MTCL2: variants seen among roughly 807,000 people sequenced by gnomAD.
MTCL2 encodes the protein microtubule crosslinking factor 2, also known as microtubule cross-linking factor 2.
At chr20:36,835,845 C>T in the MTCL2 span, among the ~76,000 whole-genome samples, 1 of 152,148 alleles carries the variant, frequency 6.6e-6, no homozygotes. Flanking sequence ...CTCCCCACAC[C>T]CGCCTCCCCG....
chr20:36,789,797 C>T, the MTCL2 span, among the ~76,000 whole-genome samples: 2 of 152,084 alleles, frequency 1.3e-5, no homozygotes, highest in African/African-American at 4.8e-5. Flanking sequence ...GACTGAGACA[C>T]TTGCTTTTTT....
the MTCL2 span, chr20:36,860,023 G>T: frequency 1.0e-6 from 1 of 969,202 alleles, no homozygotes; most frequent in Non-Finnish European, 1.3e-6. Flanking sequence ...TTAGTCTCTG[G>T]ATTTTGACCC....
chr20:36,793,672 G>A, the MTCL2 span: 1 of 1,550,036 alleles, frequency 6.5e-7, no homozygotes, highest in Non-Finnish European at 8.7e-7. This position sits in a 1 kb window ranked among gnomAD's most constrained non-coding sequence, Gnocchi z 6.8. Context: ...CCCAGGCCGA[G>A]CCGTTCTGCT....
chr20:36,855,203 C>T, the MTCL2 span, among the ~76,000 whole-genome samples: 1 of 152,240 alleles, frequency 6.6e-6, no homozygotes, highest in Non-Finnish European at 1.5e-5. Flanking sequence ...TCTTACGGAA[C>T]CCTCACGGCA....
At chr20:36,816,679 C>T in the MTCL2 span, among the ~76,000 whole-genome samples, 10 of 152,166 alleles carry the variant, frequency 6.6e-5, no homozygotes, top group South Asian at 2.1e-4. Context: ...TAGGAGCTAA[C>T]GGTATGTGGC....
the MTCL2 span, among the ~76,000 whole-genome samples, chr20:36,789,837 T>A: frequency 7.9e-5 from 12 of 152,108 alleles, no homozygotes; most frequent in Admixed American, 5.9e-4. Context: ...ATTTATTTAT[T>A]TTTGAGACAG....
chr20:36,809,292 A>G, the MTCL2 span, among the ~76,000 whole-genome samples: 1 of 152,232 alleles, frequency 6.6e-6, no homozygotes, highest in Non-Finnish European at 1.5e-5. Context: ...GGGCACAAGG[A>G]TTAAAAGACA....
At chr20:36,831,698 C>T in the MTCL2 span, among the ~76,000 whole-genome samples, 3 of 152,202 alleles carry the variant, frequency 2.0e-5, no homozygotes, top group African/African-American at 2.4e-5. Context: ...CATGAGGCTC[C>T]TCCCACAGCC....
the MTCL2 span, chr20:36,828,791 C>G: frequency 2.4e-6 from 1 of 421,648 alleles, no homozygotes; most frequent in Non-Finnish European, 4.2e-6. Context: ...GAATGACTCT[C>G]TCTCTCATTA....
the MTCL2 span, among the ~76,000 whole-genome samples, chr20:36,856,865 C>T: frequency 9.2e-5 from 14 of 152,060 alleles, no homozygotes; most frequent in East Asian, 1.9e-4. Flanking sequence ...TGTGCGTGCG[C>T]GCACGTGTGT....
the MTCL2 span, chr20:36,863,391 G>T: frequency 1.8e-6 from 2 of 1,139,286 alleles, no homozygotes; most frequent in Admixed American, 4.8e-5. This position sits in a 1 kb window ranked among gnomAD's most constrained non-coding sequence, Gnocchi z 6.2. Flanking sequence ...GCCCAGGCCC[G>T]CCCGGCCTCG....
At chr20:36,832,839 T>C in the MTCL2 span, among the ~76,000 whole-genome samples, 23 of 151,874 alleles carry the variant, frequency 1.5e-4, no homozygotes, top group Non-Finnish European at 2.4e-4. Context: ...CAATACTTTG[T>C]CTCAGAAAAA....
the MTCL2 span, among the ~76,000 whole-genome samples, chr20:36,804,124 C>T: frequency 4.6e-5 from 7 of 152,108 alleles, no homozygotes; most frequent in African/African-American, 7.2e-5. Context: ...CAGAGACCAT[C>T]GGAGTGCCTG....
the MTCL2 span, chr20:36,806,066 C>T: frequency 7.8e-6 from 6 of 765,880 alleles, no homozygotes; most frequent in East Asian, 1.6e-4. Flanking sequence ...GTCAGGCCCT[C>T]CTAGCCTCCC....
chr20:36,818,219 T>C, the MTCL2 span, among the ~76,000 whole-genome samples: 1 of 152,246 alleles, frequency 6.6e-6, no homozygotes, highest in African/African-American at 2.4e-5. Flanking sequence ...GAGAAAATCC[T>C]GTCTTCATGA....
At chr20:36,812,738 T>C in the MTCL2 span, 4 of 1,613,874 alleles carry the variant, frequency 2.5e-6, no homozygotes, top group Admixed American at 5.0e-5. Context: ...TTCAGCTCGG[T>C]AAGGCCTGAA....
chr20:36,800,889 C>CT, the MTCL2 span, among the ~76,000 whole-genome samples: 1 of 152,192 alleles, frequency 6.6e-6, no homozygotes, highest in African/African-American at 2.4e-5. Flanking sequence ...TGGGCAAAGC[C>CT]TTTCTAGAAG....
chr20:36,831,191 C>T, the MTCL2 span, among the ~76,000 whole-genome samples: 4 of 152,214 alleles, frequency 2.6e-5, no homozygotes, highest in Non-Finnish European at 5.9e-5. Flanking sequence ...TCTCTATGTA[C>T]ATTGGGAACT....
At chr20:36,814,970 G>T in the MTCL2 span, among the ~76,000 whole-genome samples, 3 of 152,212 alleles carry the variant, frequency 2.0e-5, no homozygotes, top group Admixed American at 6.5e-5. Context: ...GTGAGGGGGG[G>T]AGAATGGCTA....
Sources: allele counts gnomAD v4.1 joint callset (sites outside exome capture counted in the v4.1 genomes callset), GRCh38; gene constraint gnomAD v4.1.1; non-coding constraint Gnocchi (gnomAD v3.1); transcripts MANE v1.5; gene names NCBI Gene and HGNC (gene_info 2026-07-23, HGNC 2026-07-21).